The following TMPRSS9 variants were observed in gnomAD, a reference collection of about 807,000 sequenced individuals.
The protein encoded by TMPRSS9 is transmembrane serine protease 9, also known as transmembrane protease serine 9.
Under a neutral mutation model 111.4 loss-of-function variants are expected in TMPRSS9, and 113 were observed. The observed-to-expected ratio is 1.01, with a 90% CI of 0.87 to 1.19. The LOEUF (loss-of-function observed/expected upper bound fraction) is 1.19. Ranked by LOEUF, TMPRSS9 falls within the 50% of genes most tolerant of loss-of-function variation. The pLI is 0.00. For missense variants in TMPRSS9, 1,803 were observed against 1,513.1 expected, an observed-to-expected ratio of 1.19 and a Z score of -3.18; for synonymous variants, 805 against 659.1, an observed-to-expected ratio of 1.22 and a Z score of -3.39.
exon 1 of TMPRSS9, among the ~76,000 whole-genome samples, chr19:2,360,268 A>G (rs1024319531): frequency 2.0e-5 from 3 of 152,054 alleles, no homozygotes; most frequent in Non-Finnish European, 4.4e-5. Context: ...TCCGGGCAGT[A>G]GCGGTGCAGC....
chr19:2,381,339 G>A (rs1436746448), intron 1 of TMPRSS9, among the ~76,000 whole-genome samples: 1 of 151,842 alleles, frequency 6.6e-6, no homozygotes, highest in African/African-American at 2.4e-5. Flanking sequence ...AGCTGGGGTT[G>A]AATGAACACT....
chr19:2,395,719 A>G (rs1970691652), intron 1 of TMPRSS9, among the ~76,000 whole-genome samples: 1 of 151,742 alleles, frequency 6.6e-6, no homozygotes, highest in Non-Finnish European at 1.5e-5. Context: ...CTGTCTCAAA[A>G]CAAACAGGCC....
intron 5 of TMPRSS9, 66 bp downstream of exon 6, chr19:2,402,082 T>G: frequency 6.5e-7 from 1 of 1,543,998 alleles, no homozygotes; most frequent in Non-Finnish European, 8.8e-7. Context: ...AAGACTCATT[T>G]CAAGGAAGTG....
chr19:2,388,529 A>G (rs1196361457), upstream of TMPRSS9, among the ~76,000 whole-genome samples: 1 of 152,226 alleles, frequency 6.6e-6, no homozygotes, highest in Non-Finnish European at 1.5e-5. Flanking sequence ...AGCCCCCAGA[A>G]GGGCCCAGGC....
chr19:2,376,671 G>A (rs773055520), intron 1 of TMPRSS9, among the ~76,000 whole-genome samples: 5 of 152,082 alleles, frequency 3.3e-5, no homozygotes, highest in Non-Finnish European at 5.9e-5. Context: ...TGTTGGCCAG[G>A]CTGATCTCAA....
intron 17 of TMPRSS9, 39 bp downstream of exon 18, chr19:2,425,532 A>G (rs1011463249): frequency 4.7e-6 from 7 of 1,497,762 alleles, no homozygotes; most frequent in Non-Finnish European, 6.2e-6. Flanking sequence ...GGTCCCGCCC[A>G]GCCGCCGGGG....
intron 7 of TMPRSS9, among the ~76,000 whole-genome samples, chr19:2,407,614 T>C (rs113566480): frequency 1.1e-4 from 13 of 122,572 alleles, no homozygotes; most frequent in African/African-American, 2.8e-4. Context: ...TTTTCTTTTT[T>C]TTTTTTTTTT....
rs772445916 is a variant in TMPRSS9, at chr19:2,425,960, C to A, written c.3154C>A (p.Pro1052Thr). The change falls in exon 18 of 18, where the codon CCC (proline) becomes ACC (threonine). Residue 1052 changes from proline (P) to threonine (T), a missense_variant. Transcript: ENST00000648592. ...TGGGGGACCCCTGGCCTGCAGGGAGCCCTCTGGACGGTGGGTGCTAACTGG... is the reference window on the plus strand; with the variant it reads ...TGGGGGACCCCTGGCCTGCAGGGAGACCTCTGGACGGTGGGTGCTAACTGG... The A allele has an allele frequency of 1.9e-5, 31 of 1,602,884 alleles. No individual in the cohort carries two copies. Among genetic ancestry groups the A allele is most frequent in the South Asian group, 5.6e-5 (5 of 89,920 alleles).
chr19:2,426,221 G>T, exon 18 of TMPRSS9: 1 of 1,190,572 alleles, frequency 8.4e-7, no homozygotes, highest in African/African-American at 1.5e-5. Flanking sequence ...ATGCATTTTG[G>T]TACCACCCTT....
chr19:2,408,510 A>G (rs1971020455), exon 8 of TMPRSS9: 1 of 1,613,720 alleles, frequency 6.2e-7, no homozygotes, highest in East Asian at 2.2e-5. Context: ...GCTGGAGCTG[A>G]CCAGCCCTCT....
At chr19:2,399,261 C>G in intron 4 of TMPRSS9, 68 bp downstream of exon 5, 1 of 1,498,060 alleles carries the variant, frequency 6.7e-7, no homozygotes. Context: ...CTGCAAGATA[C>G]ATTTTGATAA....
chr19:2,414,991 G>A (rs1392404293), intron 10 of TMPRSS9, among the ~76,000 whole-genome samples: 1 of 146,586 alleles, frequency 6.8e-6, no homozygotes, highest in African/African-American at 2.5e-5. Flanking sequence ...TGTCGCCCAG[G>A]CTGGAGTGCA....
chr19:2,425,343 TCGCC>T lies in TMPRSS9; in HGVS notation c.2984-6_2984-3del. The T allele has an allele frequency of 6.8e-7, 1 of 1,462,338 alleles. No homozygotes were observed. Among genetic ancestry groups the T allele is most frequent in the Non-Finnish European group, 9.0e-7 (1 of 1,110,934 alleles). The allele number at this position is 1,462,338 out of a possible 1,614,324, so 90.6% of individuals were successfully genotyped here. A position where few individuals can be genotyped will look rare whatever the true frequency, so the allele number is the denominator to read the frequency against. Reference sequence around the variant, plus strand: ...GCGGTCCCCACCCGCCCCGTCTCGCTCGCCCGCCCGCAGGCTCCATGGCGCGGCA... The same window carrying T: ...GCGGTCCCCACCCGCCCCGTCTCGCTCGCCCGCAGGCTCCATGGCGCGGCA... On this transcript the variant is annotated splice_polypyrimidine_tract_variant and intron_variant, in intron 16 of 17. Transcript: ENST00000648592.
chr19:2,402,060 C>T (rs1162834841), intron 5 of TMPRSS9, 44 bp downstream of exon 6: 1 of 1,590,674 alleles, frequency 6.3e-7, no homozygotes, highest in Non-Finnish European at 8.6e-7. Flanking sequence ...CAGTTACTGA[C>T]AGAGGTTTCC....
At chr19:2,406,182 ATTT>A (rs1001488023) in intron 7 of TMPRSS9, among the ~76,000 whole-genome samples, 2 of 139,166 alleles carry the variant, frequency 1.4e-5, no homozygotes, top group Non-Finnish European at 3.1e-5. Flanking sequence ...AGCTAATTTA[ATTT>A]TTTTTTGTAT....
chr19:2,414,110 AT>A, intron 10 of TMPRSS9, 92 bp downstream of exon 11: 1 of 1,345,410 alleles, frequency 7.4e-7, no homozygotes, highest in Non-Finnish European at 9.9e-7. Flanking sequence ...ATAATTTTGG[AT>A]CTTCCTGTTC....
In TMPRSS9 at chr19:2,424,930, G is replaced by A. The variant is rs112949115; in HGVS notation, c.2718-72G>A. On this transcript the variant is annotated intron_variant, in intron 15 of 17. Coordinates refer to ENST00000648592, the Ensembl canonical transcript of TMPRSS9. Reference sequence around the variant, plus strand: ...CTGCCCAGGGTGCCAGCCGGCCGCTGGGGGACACCACAGGGGCGGGGGCCG... The same window carrying A: ...CTGCCCAGGGTGCCAGCCGGCCGCTAGGGGACACCACAGGGGCGGGGGCCG... 347 of 1,364,308 alleles carry A rather than the reference G, an allele frequency of 2.5e-4. 2 individuals carry two copies. In the African/African-American group the frequency reaches 5.0e-3, roughly 20 times the overall value. The allele number at this position is 1,364,308 out of a possible 1,614,324, so 84.5% of individuals were successfully genotyped here. A position where few individuals can be genotyped will look rare whatever the true frequency, so the allele number is the denominator to read the frequency against.
chr19:2,380,598 C>CAAAAAAAAAAAAA (rs112276283), intron 1 of TMPRSS9, among the ~76,000 whole-genome samples: 14 of 110,836 alleles, frequency 1.3e-4, no homozygotes, highest in East Asian at 3.2e-4. Flanking sequence ...AAGACTCCAC[C>CAAAAAAAAAAAAA]AAAAAAAAAA....
At chr19:2,406,950 C>A (rs1394897047) in intron 7 of TMPRSS9, among the ~76,000 whole-genome samples, 1 of 151,376 alleles carries the variant, frequency 6.6e-6, no homozygotes, top group African/African-American at 2.4e-5. Flanking sequence ...CAGGCACCCG[C>A]CACCATGGCT....
Sources: allele counts gnomAD v4.1 joint callset (sites outside exome capture counted in the v4.1 genomes callset), GRCh38; gene constraint gnomAD v4.1.1; transcripts MANE v1.5; gene names NCBI Gene and HGNC (gene_info 2026-07-23, HGNC 2026-07-21).